The following ADARB2 variants were observed in gnomAD, a reference collection of about 807,000 sequenced individuals.
ADARB2 encodes inactive double-stranded RNA-specific editase B2.
ADARB2 carries 25 observed loss-of-function variants against 62.2 expected under a neutral mutation model. The ratio of observed to expected loss-of-function variants is 0.40; its 90% CI spans 0.29 to 0.56. The LOEUF (loss-of-function observed/expected upper bound fraction) is 0.56, where lower values mean the gene tolerates loss of function less well. Among genes scored for constraint, ADARB2 ranks in the 20% least tolerant of loss-of-function variants. ADARB2 has a pLI of 0.43. For missense variants in ADARB2, 1,071 were observed against 1,077.4 expected, an observed-to-expected ratio of 0.99 and a Z score of 0.08; for synonymous variants, 572 against 500.8, an observed-to-expected ratio of 1.14 and a Z score of -1.90.
rs1479306664 is a variant in ADARB2 at position 1,233,930 on chromosome 10, G to A, written c.1362-85C>T. ...CAGGTGAACGCTTGAGTCCTGTTTT[G>A]TAGAGTTGTTCCCCAAGTTTTCCTT... On this transcript the variant is annotated intron_variant, in intron 5 of 9. Coordinates refer to ENST00000381312, the MANE Select transcript of ADARB2 (RefSeq NM_018702.4). 3.7e-6 allele frequency: 4 copies of A among 1,069,166 alleles called. No individual in the cohort carries two copies. The Admixed American group carries it at 8.6e-5, about 23-fold the overall frequency. 66.2% of individuals were successfully genotyped at this position (1,069,166 alleles called of 1,614,324 possible).
chr10:1,312,047 C>T (rs918315444), intron 3 of ADARB2, among the ~76,000 whole-genome samples: 12 of 152,140 alleles, frequency 7.9e-5, no homozygotes, highest in Non-Finnish European at 1.3e-4. Context: ...TAGCATCTGT[C>T]GCTCAAATAA....
chr10:1,705,343 G>T (rs540573141), intron 1 of ADARB2, among the ~76,000 whole-genome samples: 4 of 152,146 alleles, frequency 2.6e-5, no homozygotes, highest in Non-Finnish European at 5.9e-5. Flanking sequence ...AAGAGTGGCC[G>T]GTATGATGGA....
At chr10:1,510,755 A>G (rs1467582378) in intron 1 of ADARB2, among the ~76,000 whole-genome samples, 1 of 152,012 alleles carries the variant, frequency 6.6e-6, no homozygotes, top group Admixed American at 6.6e-5. Context: ...TCCCTTCTTC[A>G]CTGGAATCTA....
chr10:1,593,323 G>A (rs1006733201), intron 1 of ADARB2, among the ~76,000 whole-genome samples: 15 of 147,296 alleles, frequency 1.0e-4, no homozygotes, highest in African/African-American at 3.3e-4. Flanking sequence ...CTGTCACCCA[G>A]CTCCCCTGGC....
intron 1 of ADARB2, among the ~76,000 whole-genome samples, chr10:1,586,774 A>C (rs978546496): frequency 6.6e-6 from 1 of 152,204 alleles, no homozygotes; most frequent in African/African-American, 2.4e-5. Context: ...GAAGAAAAAA[A>C]TGTGTTGCAC....
intron 1 of ADARB2, among the ~76,000 whole-genome samples, chr10:1,658,200 T>C (rs1834197039): frequency 6.6e-6 from 1 of 151,564 alleles, no homozygotes; most frequent in African/African-American, 2.4e-5. Context: ...CTGATTGTCT[T>C]TTTCTGTCTC....
At chr10:1,607,857 G>C (rs979421473) in intron 1 of ADARB2, among the ~76,000 whole-genome samples, 1 of 152,184 alleles carries the variant, frequency 6.6e-6, no homozygotes. Flanking sequence ...TCCAGGCCTC[G>C]CATGAACTTT....
rs1454285751 is a variant in ADARB2 at position 1,737,267 on chromosome 10, G to C, written c.-117C>G. On this transcript the variant is annotated 5_prime_UTR_variant, in exon 1 of 10. Transcript: ENST00000381312. ...GCTTGAGGTTGCAAACCCGGGAGCG[G>C]CTCACTTTTCAGGACTGAGCAGGAA... 1 of 1,054,018 alleles carries C rather than the reference G, an allele frequency of 9.5e-7. No homozygotes were observed. Among genetic ancestry groups the C allele is most frequent in the Non-Finnish European group, 1.4e-6 (1 of 709,726 alleles). 65.3% of individuals were successfully genotyped at this position (1,054,018 alleles called of 1,614,324 possible). A position where few individuals can be genotyped will look rare whatever the true frequency, so the allele number is the denominator to read the frequency against.
chr10:1,646,151 T>C (rs891170995), intron 1 of ADARB2, among the ~76,000 whole-genome samples: 1 of 152,080 alleles, frequency 6.6e-6, no homozygotes, highest in African/African-American at 2.4e-5. Flanking sequence ...TTAAAACCCC[T>C]GAGGGATTTC....
intron 1 of ADARB2, among the ~76,000 whole-genome samples, chr10:1,643,041 T>C (rs1833998525): frequency 6.6e-6 from 1 of 152,146 alleles, no homozygotes; most frequent in Non-Finnish European, 1.5e-5. Flanking sequence ...ATGCAACTAA[T>C]AAACAGGAGG....
intron 1 of ADARB2, among the ~76,000 whole-genome samples, chr10:1,429,852 C>T (rs1199093649): frequency 1.3e-5 from 2 of 152,096 alleles, no homozygotes; most frequent in African/African-American, 4.8e-5. Context: ...TCCCTCCTCT[C>T]TCCTTTTTCC....
intron 1 of ADARB2, among the ~76,000 whole-genome samples, chr10:1,502,648 G>A (rs113965347): frequency 1.3e-3 from 199 of 152,358 alleles, no homozygotes; most frequent in African/African-American, 4.0e-3. Flanking sequence ...GCCTGTGGAC[G>A]GAAGTCTGAG....
intron 3 of ADARB2, among the ~76,000 whole-genome samples, chr10:1,329,929 CTTTTTTTT>C (rs370355543): frequency 0.037 from 3,700 of 100,320 alleles, 84 homozygotes; most frequent in East Asian, 0.13. Context: ...GAAGAAGTGC[CTTTTTTTT>C]TTTTTTTTTT....
intron 3 of ADARB2, among the ~76,000 whole-genome samples, chr10:1,327,325 CA>C (rs1288809867): frequency 3.8e-5 from 2 of 53,054 alleles, no homozygotes; most frequent in Admixed American, 1.6e-4. Context: ...CTCCTCACTG[CA>C]CAGCGCCTCC....
intron 1 of ADARB2, among the ~76,000 whole-genome samples, chr10:1,420,296 C>T (rs1293471164): frequency 6.6e-6 from 1 of 152,166 alleles, no homozygotes; most frequent in Non-Finnish European, 1.5e-5. Flanking sequence ...TTTACATGGA[C>T]AGCTACGTGT....
At position 1,183,374 on chromosome 10, in the gene ADARB2, G is replaced by C; in HGVS notation, c.2044-5C>G. On this transcript the variant is annotated splice_region_variant and splice_polypyrimidine_tract_variant and intron_variant, in intron 9 of 9. Transcript: ENST00000381312. ...GCTGGGTGTCCGTGTGCTCAGCTGCGGACAAGAAGGAGAAAGAGCCAATCA... is the reference window on the plus strand; with the variant it reads ...GCTGGGTGTCCGTGTGCTCAGCTGCCGACAAGAAGGAGAAAGAGCCAATCA... 6.2e-7 allele frequency: 1 copy of C among 1,605,996 alleles called. No homozygotes were observed. Among genetic ancestry groups the C allele is most frequent in the African/African-American group, 1.3e-5 (1 of 74,884 alleles).
At chr10:1,290,292 C>T (rs989617833) in intron 3 of ADARB2, 10 of 152,268 alleles carry the variant, frequency 6.6e-5, no homozygotes, top group African/African-American at 2.4e-4. Flanking sequence ...CGGGCACCTC[C>T]AGCAGAGAGT....
chr10:1,278,109 A>G (rs1209851195), intron 3 of ADARB2, among the ~76,000 whole-genome samples: 1 of 151,982 alleles, frequency 6.6e-6, no homozygotes, highest in Non-Finnish European at 1.5e-5. Flanking sequence ...AGCTGGGACT[A>G]CAGGCGCGCG....
Position 1,661,726 on chromosome 10 carries a change from C to A in ADARB2, c.100+75325G>T, listed in dbSNP as rs188431073. Among the ~76,000 whole-genome samples, 96 of 152,272 alleles carry A rather than the reference C, an allele frequency of 6.3e-4. No homozygotes were observed. The East Asian group carries it at 9.5e-3, about 15-fold the overall frequency. On this transcript the variant is annotated intron_variant, in intron 1 of 9. Transcript: ENST00000381312. ...AGTCACACTGCCCAGGATCCTCTTC[C>A]AAACCTGCCTCAGATAATGTCACAA...
Sources: allele counts gnomAD v4.1 joint callset (sites outside exome capture counted in the v4.1 genomes callset), GRCh38; gene constraint gnomAD v4.1.1; transcripts MANE v1.5; gene names NCBI Gene and HGNC (gene_info 2026-07-23, HGNC 2026-07-21).